Variants in C3orf70 observed in about 807,000 individuals in gnomAD.
C3orf70 encodes UPF0524 protein C3orf70.
C3orf70 carries 15 observed loss-of-function variants against 20.7 expected under a neutral mutation model. The ratio of observed to expected loss-of-function variants is 0.72; its 90% CI spans 0.48 to 1.11. The LOEUF is 1.11. Among genes scored for constraint, C3orf70 ranks in the 50% most tolerant of loss-of-function variants. C3orf70 has a pLI of 0.00. For missense variants in C3orf70, 332 were observed against 317.6 expected (o/e 1.05, Z -0.34); for synonymous variants, 161 against 125.7 (o/e 1.28, Z -1.88).
At chr3:185,105,579 G>T (rs959980633) in intron 1 of C3orf70, among the ~76,000 whole-genome samples, 7 of 152,194 alleles carry the variant, frequency 4.6e-5, no homozygotes, top group Non-Finnish European at 8.8e-5. Flanking sequence ...GTGGGTAAAT[G>T]TCTGTTTGGG....
intron 1 of C3orf70, among the ~76,000 whole-genome samples, chr3:185,104,589 T>C (rs923175405): frequency 2.0e-5 from 3 of 152,080 alleles, no homozygotes; most frequent in Non-Finnish European, 2.9e-5. Flanking sequence ...TGCCCATCAA[T>C]GATAGACTGG....
chr3:185,114,936 TCTAA>T (rs1174673891), intron 1 of C3orf70, among the ~76,000 whole-genome samples: 3 of 152,244 alleles, frequency 2.0e-5, no homozygotes, highest in Non-Finnish European at 2.9e-5. Flanking sequence ...AGATTCTTAC[TCTAA>T]CTTTCACTAA....
intron 1 of C3orf70, among the ~76,000 whole-genome samples, chr3:185,088,854 T>C (rs563055278): frequency 1.9e-3 from 290 of 152,344 alleles, no homozygotes; most frequent in Non-Finnish European, 3.2e-3. Context: ...CACACCATGA[T>C]TCTTCAGATT....
At chr3:185,106,022 T>C (rs1322115007) in intron 1 of C3orf70, among the ~76,000 whole-genome samples, 2 of 152,212 alleles carry the variant, frequency 1.3e-5, no homozygotes, top group African/African-American at 2.4e-5. Context: ...CCTATCCTTC[T>C]GCACCCCCTC....
chr3:185,104,743 C>G (rs956474799), intron 1 of C3orf70, among the ~76,000 whole-genome samples: 4 of 152,108 alleles, frequency 2.6e-5, no homozygotes, highest in Non-Finnish European at 4.4e-5. Context: ...CCAAATACCG[C>G]ATGTTCTTAG....
At chr3:185,122,098 CAAA>C (rs759419036) in intron 1 of C3orf70, among the ~76,000 whole-genome samples, 2 of 59,028 alleles carry the variant, frequency 3.4e-5, no homozygotes, top group Non-Finnish European at 3.7e-5. Context: ...GACTCCGTCT[CAAA>C]AAAAAAAAAA....
In C3orf70 at chr3:185,078,198, TTAAAA is replaced by T. The variant is rs1715239440; in HGVS notation, c.*4804_*4808del. 1 of 152,734 alleles carries T rather than the reference TTAAAA, an allele frequency of 6.5e-6. No individual in the cohort carries two copies. Among genetic ancestry groups the T allele is most frequent in the East Asian group, 1.9e-4 (1 of 5,188 alleles). The allele number at this position is 152,734 out of a possible 1,614,324, so 9.5% of individuals were successfully genotyped here. ...AAGAGTCAACATTGTGCTTAAAACT[TTAAAA>T]TAGTTTTTAAAAATAGCAGAGTAAG... On this transcript the variant is annotated 3_prime_UTR_variant, in exon 2 of 2. Coordinates refer to ENST00000335012, the MANE Select transcript of C3orf70 (RefSeq NM_001025266.3).
intron 1 of C3orf70, among the ~76,000 whole-genome samples, chr3:185,151,929 G>C (rs1716996042): frequency 6.6e-6 from 1 of 152,124 alleles, no homozygotes; most frequent in African/African-American, 2.4e-5. Context: ...TAGACCATTT[G>C]GTTCTAGCTT....
intron 1 of C3orf70, among the ~76,000 whole-genome samples, chr3:185,127,108 G>C (rs1227206391): frequency 1.3e-5 from 2 of 152,126 alleles, no homozygotes. Context: ...ACTGCCTCCT[G>C]TAAGAGGTCC....
chr3:185,136,106 G>A (rs1342549296), intron 1 of C3orf70, among the ~76,000 whole-genome samples: 1 of 151,990 alleles, frequency 6.6e-6, no homozygotes, highest in African/African-American at 2.4e-5. Flanking sequence ...GAAAATAAAA[G>A]GAAGGAAAAG....
In C3orf70 at chr3:185,082,417, C is replaced by T; in HGVS notation, c.*590G>A. ...CCAGTCACGGAGCCTTGTACAGACA[C>T]TGGCCACAAACCATGGGCTGAGCTG... On this transcript the variant is annotated 3_prime_UTR_variant, in exon 2 of 2. Transcript: ENST00000335012. The T allele has an allele frequency of 6.5e-6, 1 of 154,530 alleles. No individual in the cohort carries two copies. Among genetic ancestry groups the T allele is most frequent in the South Asian group, 2.0e-4 (1 of 4,950 alleles). 9.6% of individuals were successfully genotyped at this position (154,530 alleles called of 1,614,324 possible).
Position 185,083,134 on chromosome 3 carries a change from T to C in C3orf70, c.626A>G (p.Glu209Gly), listed in dbSNP as rs142754403. Residue 209 changes from glutamate to glycine, a missense_variant, in exon 2 of 2, where the codon GAA becomes GGA. Coordinates refer to ENST00000335012, the MANE Select transcript of C3orf70 (RefSeq NM_001025266.3). ...TTCCTCTGAACTCAGTTCTGCTCCT[T>C]CTTCTGTGTCCTCGTCACACGATTC... The part of the protein sequence containing the change: ...YVESCDEDTE[E>G]GAELSSEEDY... 3.2e-4 allele frequency: 517 copies of C among 1,614,060 alleles called. 3 individuals are homozygous for C. Among genetic ancestry groups the C allele is most frequent in the Middle Eastern group, 1.3e-3 (8 of 6,062 alleles).
Position 185,083,380 on chromosome 3 carries a change from GAAATCATACAGT to G in C3orf70, c.368_379del (p.Tyr123_Ile126del). On this transcript the variant is annotated inframe_deletion, in exon 2 of 2. Coordinates refer to ENST00000335012, the MANE Select transcript of C3orf70 (RefSeq NM_001025266.3). ...CTGATAGTTGTCAATAAAAAGGTCT[GAAATCATACAGT>G]ACCTCGGTGAGTCAGGGGGAAGGGG... The G allele has an allele frequency of 6.2e-7, 1 of 1,614,116 alleles. No individual in the cohort carries two copies. The highest frequency in any genetic ancestry group is 8.5e-7 in the Non-Finnish European group (1 of 1,180,030).
intron 1 of C3orf70, among the ~76,000 whole-genome samples, chr3:185,095,113 C>T (rs1715675219): frequency 6.6e-6 from 1 of 152,316 alleles, no homozygotes; most frequent in South Asian, 2.1e-4. Context: ...TAATGTCTTT[C>T]ATTTTCATTA....
In C3orf70 at chr3:185,078,077, C is replaced by G. The variant is rs1026629470; in HGVS notation, c.*4930G>C. The G allele has an allele frequency of 2.0e-5, 3 of 152,382 alleles. No individual in the cohort carries two copies. Among genetic ancestry groups the G allele is most frequent in the African/African-American group, 7.3e-5 (3 of 41,376 alleles). 9.4% of individuals were successfully genotyped at this position (152,382 alleles called of 1,614,324 possible). On this transcript the variant is annotated 3_prime_UTR_variant, in exon 2 of 2. Transcript: ENST00000335012. ...CTGGTATAAAAGAAAAAAAAAATCACGTTTATTTTACAAGGCAGTTATTTT... is the reference window on the plus strand; with the variant it reads ...CTGGTATAAAAGAAAAAAAAAATCAGGTTTATTTTACAAGGCAGTTATTTT...
chr3:185,077,291 T>A lies in C3orf70; in HGVS notation c.*5716A>T, dbSNP rs62287929. 0.051 allele frequency among the ~76,000 whole-genome samples: 7,767 copies of A among 152,096 alleles called. 225 individuals are homozygous for A. The highest frequency in any genetic ancestry group is 0.062 in the Non-Finnish European group (4,199 of 67,986). ...TAGGGGGATGGAGTAATGCAGACAA[T>A]GGGCCAAGAGTGCGGACTCTAGAGC... is the stretch of plus-strand genomic sequence containing the variant. On this transcript the variant is annotated 3_prime_UTR_variant, in exon 2 of 2. Transcript: ENST00000335012.
Position 185,101,504 on chromosome 3 carries a change from A to G in C3orf70, c.197-17941T>C, listed in dbSNP as rs150750425. ...AGAACTACCTGAGACTGGGTAATTT[A>G]CAGAGAAAAGAGGTTTAATTGGCTC... On this transcript the variant is annotated intron_variant, in intron 1 of 1. Transcript: ENST00000335012. Among the ~76,000 whole-genome samples the G allele has an allele frequency of 3.7e-3, 564 of 152,360 alleles. 3 individuals carry two copies. Among genetic ancestry groups the G allele is most frequent in the African/African-American group, 0.013 (542 of 41,590 alleles).
At chr3:185,131,521 A>T (rs1302490541) in intron 1 of C3orf70, among the ~76,000 whole-genome samples, 1 of 152,224 alleles carries the variant, frequency 6.6e-6, no homozygotes, top group Non-Finnish European at 1.5e-5. Flanking sequence ...CTTTGAAACA[A>T]CTTTTTAAAA....
At position 185,082,695 on chromosome 3, in the gene C3orf70, C is replaced by G. The variant is rs1016888870; in HGVS notation, c.*312G>C. The stretch of plus-strand genomic sequence containing the variant: ...CTTTCGGTACCTCCTCAATCTGATC[C>G]AAGATTCTCTGCGACCATCACTTCA... On this transcript the variant is annotated 3_prime_UTR_variant, in exon 2 of 2. Transcript: ENST00000335012. 9.9e-6 allele frequency: 3 copies of G among 304,004 alleles called. No individual in the cohort carries two copies. Among genetic ancestry groups the G allele is most frequent in the Non-Finnish European group, 1.8e-5 (3 of 163,260 alleles). 18.8% of individuals were successfully genotyped at this position (304,004 alleles called of 1,614,324 possible).
Sources: allele counts gnomAD v4.1 joint callset (sites outside exome capture counted in the v4.1 genomes callset), GRCh38; gene constraint gnomAD v4.1.1; transcripts MANE v1.5; gene names NCBI Gene and HGNC (gene_info 2026-07-23, HGNC 2026-07-21).